Variants in CNIH3 observed in about 807,000 individuals in gnomAD.
CNIH3 encodes cornichon family AMPA receptor auxiliary protein 3.
A neutral mutation model predicts 24.1 loss-of-function variants in CNIH3; 14 were observed. The observed-to-expected ratio is 0.58, with a 90% CI of 0.38 to 0.91. The LOEUF (loss-of-function observed/expected upper bound fraction) is 0.91, where lower values mean the gene tolerates loss of function less well. Among genes scored for constraint, CNIH3 ranks in the 40% least tolerant of loss-of-function variants. CNIH3 has a pLI of 0.00. For synonymous variants in CNIH3, 68 were observed against 73.8 expected, an observed-to-expected ratio of 0.92 and a Z score of 0.40; for missense variants, 178 against 196.8, an observed-to-expected ratio of 0.90 and a Z score of 0.57.
chr1:224,697,970 C>A (rs542136414), intron 3 of CNIH3, among the ~76,000 whole-genome samples: 3 of 152,190 alleles, frequency 2.0e-5, no homozygotes, highest in African/African-American at 7.2e-5. Context: ...TTCGCATGCT[C>A]CAGACATATC....
At chr1:224,533,175 C>T (rs1679141571) in intron 2 of CNIH3, among the ~76,000 whole-genome samples, 1 of 150,470 alleles carries the variant, frequency 6.6e-6, no homozygotes, top group Admixed American at 6.6e-5. Flanking sequence ...CTGGCAAAGT[C>T]ATAGAGTTGG....
intron 5 of CNIH3, 41 bp downstream of exon 5, chr1:224,734,747 A>C (rs1689508581): frequency 1.2e-6 from 2 of 1,608,064 alleles, no homozygotes; most frequent in South Asian, 2.2e-5. Flanking sequence ...CTCCTGCAGC[A>C]AAAGGAAGAG....
At chr1:224,523,810 G>A (rs114468433) in intron 2 of CNIH3, among the ~76,000 whole-genome samples, 1,710 of 152,276 alleles carry the variant, frequency 0.011, 16 homozygotes, top group Non-Finnish European at 0.019. Flanking sequence ...TCCCTGAGCT[G>A]CAGGGCAAGA....
chr1:224,732,226 A>T (rs1166753633), intron 4 of CNIH3, among the ~76,000 whole-genome samples: 1 of 152,136 alleles, frequency 6.6e-6, no homozygotes, highest in African/African-American at 2.4e-5. Context: ...TGTGGAGGTG[A>T]ACTGGATAAG....
intron 1 of CNIH3, among the ~76,000 whole-genome samples, chr1:224,634,586 A>AG (rs1558236182): frequency 6.8e-6 from 1 of 147,380 alleles, no homozygotes. Context: ...AAAAAAAAAT[A>AG]AAAAAAAAAA....
chr1:224,629,908 T>C (rs1683735538), intron 1 of CNIH3, among the ~76,000 whole-genome samples: 1 of 152,156 alleles, frequency 6.6e-6, no homozygotes, highest in African/African-American at 2.4e-5. Flanking sequence ...TCACGTCTTA[T>C]AAGTGAACAA....
intron 2 of CNIH3, among the ~76,000 whole-genome samples, chr1:224,532,428 G>A (rs1679110196): frequency 6.6e-6 from 1 of 152,182 alleles, no homozygotes. Context: ...TCTCATAACT[G>A]CGTTAGGAAC....
chr1:224,732,092 G>A (rs1322912020), intron 4 of CNIH3, among the ~76,000 whole-genome samples: 3 of 152,198 alleles, frequency 2.0e-5, no homozygotes, highest in African/African-American at 7.2e-5. Flanking sequence ...TAAAGGATGG[G>A]TTAGAGGGTG....
intron 1 of CNIH3, among the ~76,000 whole-genome samples, chr1:224,676,874 G>C (rs973740204): frequency 6.6e-6 from 1 of 152,300 alleles, no homozygotes; most frequent in East Asian, 1.9e-4. Flanking sequence ...AGTGCTAAGT[G>C]GGGGGTAGCC....
chr1:224,647,813 G>C (rs1198894949), intron 1 of CNIH3, among the ~76,000 whole-genome samples: 1 of 152,164 alleles, frequency 6.6e-6, no homozygotes, highest in Non-Finnish European at 1.5e-5. Context: ...GAACCTGCAG[G>C]CACAGGGGCC....
In CNIH3 at chr1:224,725,612, T is replaced by C. The variant is rs144769654; in HGVS notation, c.199-4850T>C. On this transcript the variant is annotated intron_variant, in intron 3 of 5. Transcript: ENST00000272133. ...TCCCTGTGGCTTCCATAGCTGTGACTTTTAAAGTGTTTGGTCCCAGGCATG... is the reference window on the plus strand; with the variant it reads ...TCCCTGTGGCTTCCATAGCTGTGACCTTTAAAGTGTTTGGTCCCAGGCATG... Among the ~76,000 whole-genome samples the C allele has an allele frequency of 1.6e-3, 250 of 152,288 alleles. 1 individual carries two copies. The East Asian group carries it at 0.03, about 18-fold the overall frequency.
chr1:224,564,112 T>C (rs940592250), intron 3 of CNIH3, among the ~76,000 whole-genome samples: 3 of 152,384 alleles, frequency 2.0e-5, no homozygotes, highest in African/African-American at 7.2e-5. Flanking sequence ...CATATTGAAG[T>C]GTACTCTCTA....
chr1:224,492,908 G>A (rs1178609076), intron 1 of CNIH3, among the ~76,000 whole-genome samples: 1 of 152,206 alleles, frequency 6.6e-6, no homozygotes, highest in Non-Finnish European at 1.5e-5. Flanking sequence ...GCAAGTATGA[G>A]AGAAAAGCAG....
At chr1:224,671,832 A>G (rs1294289857) in intron 1 of CNIH3, among the ~76,000 whole-genome samples, 1 of 152,218 alleles carries the variant, frequency 6.6e-6, no homozygotes, top group South Asian at 2.1e-4. Flanking sequence ...GGTGGTACCC[A>G]TGTAGAGTCC....
rs147350435 is a variant in CNIH3, at chr1:224,707,920, G to T, written c.199-22542G>T. On this transcript the variant is annotated intron_variant, in intron 3 of 5. Transcript: ENST00000272133. ...CACCTCATCAGTTTCATTCCTCTGG[G>T]TGTGTCCCTGGTGCTGCTGAGACCC... 2.5e-3 allele frequency among the ~76,000 whole-genome samples: 377 copies of T among 152,066 alleles called. 1 individual carries two copies. Among genetic ancestry groups the T allele is most frequent in the Middle Eastern group, 0.014 (4 of 294 alleles).
chr1:224,607,183 G>A (rs143658100), intron 3 of CNIH3, among the ~76,000 whole-genome samples: 72 of 152,346 alleles, frequency 4.7e-4, no homozygotes, highest in African/African-American at 1.7e-3. Context: ...AGCTGGACTG[G>A]CCCTTGGACC....
At chr1:224,510,660 C>T (rs1035250424) in intron 1 of CNIH3, among the ~76,000 whole-genome samples, 5 of 151,836 alleles carry the variant, frequency 3.3e-5, no homozygotes, top group South Asian at 2.1e-4. Context: ...ATGTCCTGGC[C>T]GGTCAATGCA....
chr1:224,582,440 A>G (rs1681316325), intron 4 of CNIH3, among the ~76,000 whole-genome samples: 1 of 151,854 alleles, frequency 6.6e-6, no homozygotes, highest in African/African-American at 2.4e-5. Flanking sequence ...TTTCCTCCCT[A>G]ATGTAGCTAC....
At chr1:224,527,721 A>G (rs942169193) in intron 2 of CNIH3, among the ~76,000 whole-genome samples, 2 of 152,230 alleles carry the variant, frequency 1.3e-5, no homozygotes, top group South Asian at 4.1e-4. Context: ...TTTGTAAAAA[A>G]AAATATATTT....
Sources: allele counts gnomAD v4.1 joint callset (sites outside exome capture counted in the v4.1 genomes callset), GRCh38; gene constraint gnomAD v4.1.1; transcripts MANE v1.5; gene names NCBI Gene and HGNC (gene_info 2026-07-23, HGNC 2026-07-21).